DNAAF9: variants seen among roughly 807,000 people sequenced by gnomAD.
The protein encoded by DNAAF9 is shulin.
In DNAAF9, 90 loss-of-function variants were observed where a neutral mutation model predicts 167.0. That is an observed-to-expected ratio of 0.54 (90% confidence interval 0.45 to 0.64). The LOEUF (loss-of-function observed/expected upper bound fraction) is 0.64. Ranked by LOEUF, DNAAF9 falls within the 30% of genes least tolerant of loss-of-function variation. DNAAF9 has a pLI of 0.00. For synonymous variants in DNAAF9, 491 were observed against 508.8 expected (o/e 0.96, Z 0.47); for missense variants, 1,315 against 1,442.2 (o/e 0.91, Z 1.43).
At chr20:3,297,386 A>C (rs1269115894) in intron 22 of DNAAF9, among the ~76,000 whole-genome samples, 5 of 152,202 alleles carry the variant, frequency 3.3e-5, no homozygotes, top group Admixed American at 3.3e-4. Flanking sequence ...TGGAAGACAC[A>C]GACTGGGCTG....
At chr20:3,373,292 C>T (rs543952252) in intron 6 of DNAAF9, among the ~76,000 whole-genome samples, 34 of 152,288 alleles carry the variant, frequency 2.2e-4, no homozygotes, top group African/African-American at 8.2e-4. Context: ...AATAGGATGT[C>T]CCCATTTCTA....
chr20:3,250,372 G>C lies in DNAAF9; in HGVS notation c.*2200C>G, dbSNP rs2068178887. The C allele has an allele frequency of 6.6e-6, 1 of 152,250 alleles. No homozygotes were observed. Among genetic ancestry groups the C allele is most frequent in the South Asian group, 2.1e-4 (1 of 4,828 alleles). The allele number at this position is 152,250 out of a possible 1,614,324, so 9.4% of individuals were successfully genotyped here. Reference sequence around the variant, plus strand: ...GGGTGTGCCTTATCAGTGGGGCAGAGCAAGTGGCCCCAGGAATGCCCTTTC... The same window carrying C: ...GGGTGTGCCTTATCAGTGGGGCAGACCAAGTGGCCCCAGGAATGCCCTTTC... On this transcript the variant is annotated 3_prime_UTR_variant, in exon 37 of 37. Coordinates refer to ENST00000252032, the MANE Select transcript of DNAAF9 (RefSeq NM_001009984.3).
rs2068182142 is a variant in DNAAF9, at chr20:3,250,678, C to T, written c.*1894G>A. On this transcript the variant is annotated 3_prime_UTR_variant, in exon 37 of 37. Coordinates refer to ENST00000252032, the MANE Select transcript of DNAAF9 (RefSeq NM_001009984.3). The stretch of plus-strand genomic sequence containing the variant: ...CGCTCTCACGGGCGGGCTCCGACCC[C>T]TCTTTAAAAACTCTTCTGCAGCAGC... 6.6e-6 allele frequency: 1 copy of T among 152,178 alleles called. No individual in the cohort carries two copies. The highest frequency in any genetic ancestry group is 6.5e-5 in the Admixed American group (1 of 15,278). 9.4% of individuals were successfully genotyped at this position (152,178 alleles called of 1,614,324 possible).
chr20:3,406,266 C>T (rs1383581289), intron 1 of DNAAF9, among the ~76,000 whole-genome samples: 1 of 152,180 alleles, frequency 6.6e-6, no homozygotes, highest in Non-Finnish European at 1.5e-5. Context: ...ATCAGATCAG[C>T]AAGCAAAGTT....
At chr20:3,282,307 T>A (rs2068776861) in intron 27 of DNAAF9, among the ~76,000 whole-genome samples, 1 of 152,210 alleles carries the variant, frequency 6.6e-6, no homozygotes, top group African/African-American at 2.4e-5. Flanking sequence ...CTCTTTCAGA[T>A]GCTAGGCTCA....
chr20:3,322,093 G>A, intron 16 of DNAAF9, 124 bp downstream of exon 16: 1 of 697,182 alleles, frequency 1.4e-6, no homozygotes, highest in Non-Finnish European at 2.6e-6. Context: ...ATAGGACTGA[G>A]AGAAGATCAG....
chr20:3,357,998 C>T (rs2083311497), intron 7 of DNAAF9, among the ~76,000 whole-genome samples: 3 of 151,814 alleles, frequency 2.0e-5, no homozygotes. Flanking sequence ...CAGAGCAAGA[C>T]CCTGTCTCTA....
chr20:3,368,842 C>T (rs538218228), intron 6 of DNAAF9, among the ~76,000 whole-genome samples: 1 of 150,728 alleles, frequency 6.6e-6, no homozygotes, highest in Admixed American at 6.6e-5. Flanking sequence ...TAAAGATATT[C>T]TTTCATCCAG....
At chr20:3,395,091 CCA>C (rs1420365942) in intron 1 of DNAAF9, among the ~76,000 whole-genome samples, 3 of 148,022 alleles carry the variant, frequency 2.0e-5, no homozygotes, top group African/African-American at 7.7e-5. Context: ...CCTCAGCCTC[CCA>C]TGTAGCTGGG....
chr20:3,254,790 T>C (rs2068250163), intron 35 of DNAAF9, among the ~76,000 whole-genome samples: 4 of 152,182 alleles, frequency 2.6e-5, no homozygotes. Context: ...GCCTGGAGGC[T>C]GGGAGGCTCA....
At chr20:3,311,995 C>CTTTCTTTTCT (rs1555790791) in intron 20 of DNAAF9, among the ~76,000 whole-genome samples, 1 of 145,096 alleles carries the variant, frequency 6.9e-6, no homozygotes, top group East Asian at 2.0e-4. Context: ...TCTTTTTTTT[C>CTTTCTTTTCT]TTTTTTTTTT....
In DNAAF9 at chr20:3,349,216, A is replaced by C. The variant is rs1226777432; in HGVS notation, c.691-593T>G. ...CCAAAAAAAAAAACAAAAAAAAAAA[A>C]AACACCATGAAAAAAACGAGCTGAG... is the stretch of plus-strand genomic sequence containing the variant. On this transcript the variant is annotated intron_variant, in intron 7 of 36. Coordinates refer to ENST00000252032, the MANE Select transcript of DNAAF9 (RefSeq NM_001009984.3). Among the ~76,000 whole-genome samples, 7 of 150,724 alleles carry C rather than the reference A, an allele frequency of 4.6e-5. 1 individual carries two copies. The East Asian group carries it at 9.7e-4, about 21-fold the overall frequency.
In DNAAF9 at chr20:3,355,192, A is replaced by T. The variant is rs567829456; in HGVS notation, c.690+4324T>A. Among the ~76,000 whole-genome samples the T allele has an allele frequency of 2.7e-4, 41 of 152,214 alleles. 1 individual carries two copies. The highest frequency in any genetic ancestry group is 8.7e-4 in the African/African-American group (36 of 41,528). On this transcript the variant is annotated intron_variant, in intron 7 of 36. Coordinates refer to ENST00000252032, the MANE Select transcript of DNAAF9 (RefSeq NM_001009984.3). ...TTTGTGCATTTTCACTTTTTTTCATAATTAGGTTCGCCAGGGGATGATGAT... is the reference window on the plus strand; with the variant it reads ...TTTGTGCATTTTCACTTTTTTTCATTATTAGGTTCGCCAGGGGATGATGAT...
At chr20:3,331,436 C>T (rs2069827202) in intron 11 of DNAAF9, among the ~76,000 whole-genome samples, 1 of 152,126 alleles carries the variant, frequency 6.6e-6, no homozygotes, top group Non-Finnish European at 1.5e-5. Context: ...TGTAGCAATG[C>T]TGAGACCTGC....
rs1328025127 is a variant in DNAAF9, at chr20:3,251,497, T to G, written c.*1075A>C. 1 of 152,218 alleles carries G rather than the reference T, an allele frequency of 6.6e-6. No individual in the cohort carries two copies. The highest frequency in any genetic ancestry group is 1.5e-5 in the Non-Finnish European group (1 of 68,062). The allele number at this position is 152,218 out of a possible 1,614,324, so 9.4% of individuals were successfully genotyped here. On this transcript the variant is annotated 3_prime_UTR_variant, in exon 37 of 37. Coordinates refer to ENST00000252032, the MANE Select transcript of DNAAF9 (RefSeq NM_001009984.3). ...GCATGGGACACACTTGTAATTCCCCTCTGCTTTATGGTCCAGCTTAAAACG... is the reference window on the plus strand; with the variant it reads ...GCATGGGACACACTTGTAATTCCCCGCTGCTTTATGGTCCAGCTTAAAACG...
intron 6 of DNAAF9, among the ~76,000 whole-genome samples, chr20:3,365,404 T>TATTC (rs1222137380): frequency 1.5e-5 from 2 of 132,234 alleles, no homozygotes; most frequent in African/African-American, 5.6e-5. Flanking sequence ...TTTATTTATT[T>TATTC]ATTTTTAGGA....
At chr20:3,289,453 A>T (rs907530758) in intron 26 of DNAAF9, among the ~76,000 whole-genome samples, 4 of 151,866 alleles carry the variant, frequency 2.6e-5, no homozygotes, top group African/African-American at 9.7e-5. Flanking sequence ...TCTAAAAACA[A>T]AACAGAAAAC....
intron 21 of DNAAF9, among the ~76,000 whole-genome samples, chr20:3,299,197 CTTAATG>C (rs1404123323): frequency 1.3e-5 from 2 of 151,886 alleles, no homozygotes; most frequent in African/African-American, 4.8e-5. Flanking sequence ...TGTTTTAGCT[CTTAATG>C]TTTATGTTTT....
intron 23 of DNAAF9, among the ~76,000 whole-genome samples, chr20:3,294,908 C>T (rs2069037751): frequency 6.6e-6 from 1 of 152,048 alleles, no homozygotes; most frequent in African/African-American, 2.4e-5. Flanking sequence ...CTCTGTTGCC[C>T]AGGCTGGAGT....
Sources: allele counts gnomAD v4.1 joint callset (sites outside exome capture counted in the v4.1 genomes callset), GRCh38; gene constraint gnomAD v4.1.1; transcripts MANE v1.5; gene names NCBI Gene and HGNC (gene_info 2026-07-23, HGNC 2026-07-21).